The following TAF2 variants were observed in gnomAD, a reference collection of about 807,000 sequenced individuals.
TAF2 encodes the protein TATA-box binding protein associated factor 2, also known as transcription initiation factor TFIID subunit 2.
TAF2 carries 61 observed loss-of-function variants against 138.5 expected under a neutral mutation model. The ratio of observed to expected loss-of-function variants is 0.44; its 90% CI spans 0.36 to 0.54. The LOEUF (loss-of-function observed/expected upper bound fraction) is 0.54. TAF2 is among the 20% of genes least tolerant of loss of function. The pLI is 0.00. For synonymous variants in TAF2, 475 were observed against 469.9 expected, an observed-to-expected ratio of 1.01 and a Z score of -0.14; for missense variants, 1,090 against 1,427.9, an observed-to-expected ratio of 0.76 and a Z score of 3.81.
chr8:119,789,840 T>C (rs1459382104), intron 11 of TAF2, 94 bp from the exon 12 acceptor site: 3 of 1,224,606 alleles, frequency 2.4e-6, no homozygotes, highest in Admixed American at 2.0e-5. Flanking sequence ...TTGTAGTCAA[T>C]TATAGAAGAC....
Position 119,731,635 on chromosome 8 carries a change from T to C in TAF2, c.*289A>G. The C allele has an allele frequency of 2.3e-6, 1 of 426,266 alleles. No homozygotes were observed. The highest frequency in any genetic ancestry group is 4.4e-6 in the Non-Finnish European group (1 of 229,760). 26.4% of individuals were successfully genotyped at this position (426,266 alleles called of 1,614,324 possible). A position where few individuals can be genotyped will look rare whatever the true frequency, so the allele number is the denominator to read the frequency against. ...TGGAGACCATGATGCGAACGGGGAC[T>C]GCCAGTGGATATGAGGGCTTTTATG... On this transcript the variant is annotated 3_prime_UTR_variant, in exon 26 of 26. Transcript: ENST00000378164.
chr8:119,756,066 T>C lies in TAF2; in HGVS notation c.2818A>G (p.Met940Val). 2 of 1,613,752 alleles carry C rather than the reference T, an allele frequency of 1.2e-6. No homozygotes were observed. Among genetic ancestry groups the C allele is most frequent in the Non-Finnish European group, 8.5e-7 (1 of 1,179,836 alleles). The change falls in exon 22 of 26, where the codon ATG becomes GTG. Residue 940 changes from methionine to valine, a missense_variant. This residue lies in a region of TAF2 where 580 missense variants were observed against 719.6 expected (regional missense o/e 0.81). Coordinates refer to ENST00000378164, the MANE Select transcript of TAF2 (RefSeq NM_003184.4). ...GCTTCATTGCATAAGGGAGACTCCA[T>C]GTTCTTAGTAAATGGTGGGTTCTTA... ...LTKNPPFTKNMESPLCNEALV... is the reference protein window; with the variant it reads ...LTKNPPFTKNVESPLCNEALV...
chr8:119,820,414 C>T (rs1211070161), intron 2 of TAF2, among the ~76,000 whole-genome samples: 1 of 152,090 alleles, frequency 6.6e-6, no homozygotes, highest in Non-Finnish European at 1.5e-5. Flanking sequence ...CTACCAGGTA[C>T]CAGACATTAC....
chr8:119,759,869 C>G (rs898554421), intron 20 of TAF2, among the ~76,000 whole-genome samples: 5 of 152,152 alleles, frequency 3.3e-5, no homozygotes, highest in South Asian at 2.1e-4. Context: ...CATTTGTTCA[C>G]TGTCTTTTGA....
At chr8:119,817,304 C>T (rs1399451926) in intron 3 of TAF2, among the ~76,000 whole-genome samples, 4 of 152,124 alleles carry the variant, frequency 2.6e-5, no homozygotes, top group Admixed American at 2.0e-4. Context: ...CAAGCATTAC[C>T]TTCTGAGCTT....
chr8:119,752,949 G>A (rs984038519), intron 22 of TAF2, among the ~76,000 whole-genome samples: 1 of 152,084 alleles, frequency 6.6e-6, no homozygotes, highest in Non-Finnish European at 1.5e-5. Context: ...CCAAAATGAG[G>A]AGCAGGCAGG....
chr8:119,806,976 T>C (rs1013870091), intron 3 of TAF2, among the ~76,000 whole-genome samples: 1 of 152,244 alleles, frequency 6.6e-6, no homozygotes, highest in Non-Finnish European at 1.5e-5. Context: ...TCATTAATTT[T>C]GGAATGCCAA....
At chr8:119,780,624 T>C (rs1029939482) in intron 17 of TAF2, among the ~76,000 whole-genome samples, 1 of 152,010 alleles carries the variant, frequency 6.6e-6, no homozygotes, top group Non-Finnish European at 1.5e-5. Context: ...TTAATCAAAG[T>C]TTGGAAAAAT....
chr8:119,792,257 G>A lies in TAF2; in HGVS notation c.1278-798C>T, dbSNP rs1823489296. ...CAACCTCCACCTCCCAGGTTCAAGT[G>A]ATTCTCTTGCCTCAGCCTCTCAAGT... On this transcript the variant is annotated intron_variant, in intron 10 of 25. Transcript: ENST00000378164. 2.0e-5 allele frequency among the ~76,000 whole-genome samples: 3 copies of A among 150,976 alleles called. No individual in the cohort carries two copies. The South Asian group carries it at 6.3e-4, about 32-fold the overall frequency.
intron 8 of TAF2, among the ~76,000 whole-genome samples, chr8:119,796,746 A>T (rs1341079839): frequency 6.6e-6 from 1 of 152,230 alleles, no homozygotes; most frequent in Admixed American, 6.5e-5. Flanking sequence ...TTCTTTAAAT[A>T]CATATAGAAC....
Position 119,797,114 on chromosome 8 carries a change from A to G in TAF2, c.978-11T>C, listed in dbSNP as rs936995528. 2 of 1,544,126 alleles carry G rather than the reference A, an allele frequency of 1.3e-6. No individual in the cohort carries two copies. Among genetic ancestry groups the G allele is most frequent in the African/African-American group, 1.4e-5 (1 of 73,478 alleles). Reference sequence around the variant, plus strand: ...TGTAAAAGATTTGTGCTGGAATTTAAAAGAGAAGAAAGCTCATTATAACCA... The same window carrying G: ...TGTAAAAGATTTGTGCTGGAATTTAGAAGAGAAGAAAGCTCATTATAACCA... On this transcript the variant is annotated splice_polypyrimidine_tract_variant and intron_variant, in intron 7 of 25. Coordinates refer to ENST00000378164, the MANE Select transcript of TAF2 (RefSeq NM_003184.4).
At chr8:119,756,743 A>G (rs1820724599) in intron 21 of TAF2, among the ~76,000 whole-genome samples, 1 of 152,208 alleles carries the variant, frequency 6.6e-6, no homozygotes, top group South Asian at 2.1e-4. Flanking sequence ...GGGAGTTTTT[A>G]TCTCATATCA....
intron 25 of TAF2, among the ~76,000 whole-genome samples, chr8:119,738,370 T>C (rs949786547): frequency 2.6e-5 from 4 of 152,126 alleles, no homozygotes; most frequent in Non-Finnish European, 5.9e-5. Context: ...GATACAAACA[T>C]TTACACAGAT....
Position 119,762,316 on chromosome 8 carries a change from C to T in TAF2, c.2558+99G>A, listed in dbSNP as rs901365431. On this transcript the variant is annotated intron_variant, in intron 19 of 25. Transcript: ENST00000378164. Reference sequence around the variant, plus strand: ...GAATCATACAGAATTTTAGTTTTCTCATTTTACTTTACTATATTTCCCAAT... The same window carrying T: ...GAATCATACAGAATTTTAGTTTTCTTATTTTACTTTACTATATTTCCCAAT... 5 of 1,188,844 alleles carry T rather than the reference C, an allele frequency of 4.2e-6. No individual in the cohort carries two copies. In the African/African-American group the frequency reaches 6.2e-5, roughly 15 times the overall value. 73.6% of individuals were successfully genotyped at this position (1,188,844 alleles called of 1,614,324 possible). A position where few individuals can be genotyped will look rare whatever the true frequency, so the allele number is the denominator to read the frequency against.
At chr8:119,760,874 T>C (rs770394520) in intron 19 of TAF2, 136 bp from the exon 20 acceptor site, 58 of 1,139,856 alleles carry the variant, frequency 5.1e-5, no homozygotes, top group Middle Eastern at 2.0e-4. Context: ...AATTTTGTAA[T>C]AGAGTCACAA....
At chr8:119,753,491 T>C (rs974891109) in intron 22 of TAF2, among the ~76,000 whole-genome samples, 2 of 152,208 alleles carry the variant, frequency 1.3e-5, no homozygotes, top group African/African-American at 4.8e-5. Flanking sequence ...GCCACTCCCA[T>C]TGTTCATATT....
rs181978704 is a variant in TAF2 at position 119,794,311 on chromosome 8, G to A, written c.1192-860C>T. On this transcript the variant is annotated intron_variant, in intron 9 of 25. Transcript: ENST00000378164. ...CTCAGGAGGCTAAGGTGGAAGAATC[G>A]CTTAAGCCCGGGAGGCAGAGGTTGC... is the stretch of plus-strand genomic sequence containing the variant. Among the ~76,000 whole-genome samples the A allele has an allele frequency of 8.4e-4, 128 of 151,502 alleles. 1 individual carries two copies. The highest frequency in any genetic ancestry group is 1.5e-3 in the Non-Finnish European group (101 of 67,954).
At chr8:119,749,729 A>T (rs1820220915) in intron 22 of TAF2, among the ~76,000 whole-genome samples, 1 of 152,014 alleles carries the variant, frequency 6.6e-6, no homozygotes, top group Non-Finnish European at 1.5e-5. Context: ...ATCCCATTGG[A>T]GAGAGGCCCT....
intron 18 of TAF2, among the ~76,000 whole-genome samples, chr8:119,766,387 G>A (rs10089416): frequency 0.17 from 26,230 of 152,088 alleles, 4,066 homozygotes; most frequent in African/African-American, 0.42. Flanking sequence ...TATCCAACCC[G>A]AAATATTAGA....
Sources: allele counts gnomAD v4.1 joint callset (sites outside exome capture counted in the v4.1 genomes callset), GRCh38; gene constraint gnomAD v4.1.1; regional missense constraint gnomAD v4.1.1; transcripts MANE v1.5; gene names NCBI Gene and HGNC (gene_info 2026-07-23, HGNC 2026-07-21).